SARDH: variants seen among roughly 807,000 people sequenced by gnomAD.
SARDH encodes the protein sarcosine dehydrogenase.
SARDH carries 95 observed loss-of-function variants against 109.1 expected under a neutral mutation model. The ratio of observed to expected loss-of-function variants is 0.87; its 90% CI spans 0.74 to 1.03. The LOEUF is 1.03. Among genes scored for constraint, SARDH ranks in the 50% least tolerant of loss-of-function variants. The probability of loss-of-function intolerance (pLI) is 0.00; values close to 1 mark genes in which losing one functional copy is unlikely to be tolerated. For missense variants in SARDH, 1,267 were observed against 1,287.8 expected (o/e 0.98, Z 0.25); for synonymous variants, 572 against 534.8 (o/e 1.07, Z -0.96).
At chr9:133,664,140 C>T in intron 20 of SARDH, 126 bp from the exon 21 acceptor site, 7 of 1,254,368 alleles carry the variant, frequency 5.6e-6, no homozygotes, top group Middle Eastern at 3.9e-4. Context: ...CATCCCTGTG[C>T]CAGGGACTCC....
intron 17 of SARDH, among the ~76,000 whole-genome samples, chr9:133,683,350 G>A (rs929397493): frequency 7.2e-5 from 11 of 152,340 alleles, no homozygotes; most frequent in Middle Eastern, 3.4e-3. Flanking sequence ...TCGTCTCCCC[G>A]TCCTGTAGCC....
rs529945168 is a variant in SARDH at position 133,671,503 on chromosome 9, C to A, written c.2326+32G>T. On this transcript the variant is annotated intron_variant, in intron 18 of 20. Transcript: ENST00000439388. The stretch of plus-strand genomic sequence containing the variant: ...GTCACTGCCCCCCACTGCGCCCGCC[C>A]CCGCCCCGTGCTGTCCAGACCCTGC... 1.9e-5 allele frequency: 29 copies of A among 1,554,740 alleles called. No individual in the cohort carries two copies. The South Asian group carries it at 3.2e-4, about 17-fold the overall frequency.
At chr9:133,680,408 G>A (rs1450175064) in intron 17 of SARDH, among the ~76,000 whole-genome samples, 1 of 152,210 alleles carries the variant, frequency 6.6e-6, no homozygotes, top group Non-Finnish European at 1.5e-5. Context: ...GCCAGTGGCT[G>A]TATCCCCACC....
Position 133,712,934 on chromosome 9 carries a change from A to C in SARDH, c.1237+104T>G, listed in dbSNP as rs1183566551. ...GGACTCCCCAGCCTCTCCTGTCCCC[A>C]CCACTGTCGGGGGCCACGGTGCTCC... On this transcript the variant is annotated intron_variant, in intron 9 of 20. Transcript: ENST00000439388. This position sits in a 1 kb window ranked among gnomAD's most constrained non-coding sequence, Gnocchi z 4.1. The C allele has an allele frequency of 8.3e-7, 1 of 1,199,908 alleles. No homozygotes were observed. Among genetic ancestry groups the C allele is most frequent in the Non-Finnish European group, 1.2e-6 (1 of 839,130 alleles). The allele number at this position is 1,199,908 out of a possible 1,614,324, so 74.3% of individuals were successfully genotyped here. A position where few individuals can be genotyped will look rare whatever the true frequency, so the allele number is the denominator to read the frequency against.
chr9:133,694,093 C>A (rs900374952), intron 15 of SARDH, among the ~76,000 whole-genome samples, 165 bp downstream of exon 15: 2 of 152,222 alleles, frequency 1.3e-5, no homozygotes, highest in Non-Finnish European at 2.9e-5. Context: ...CCCCATTTAG[C>A]CTGAAACGAG....
At chr9:133,680,369 G>A (rs1030928278) in intron 17 of SARDH, among the ~76,000 whole-genome samples, 1 of 152,176 alleles carries the variant, frequency 6.6e-6, no homozygotes, top group Non-Finnish European at 1.5e-5. Context: ...ACCTGCCTGT[G>A]AGGCCCCCTA....
intron 3 of SARDH, among the ~76,000 whole-genome samples, chr9:133,731,958 T>A (rs925657937): frequency 6.6e-6 from 1 of 152,190 alleles, no homozygotes; most frequent in Non-Finnish European, 1.5e-5. Context: ...CCCCCACATT[T>A]GATTGGCCCA....
rs568013418 is a variant in SARDH at position 133,690,636 on chromosome 9, G to T, written c.1922-109C>A. 1.3e-4 allele frequency: 168 copies of T among 1,293,044 alleles called. 1 individual carries two copies. In the African/African-American group the frequency reaches 2.1e-3, roughly 16 times the overall value. 80.1% of individuals were successfully genotyped at this position (1,293,044 alleles called of 1,614,324 possible). On this transcript the variant is annotated intron_variant, in intron 15 of 20. Transcript: ENST00000439388. ...CTGAGAAAACAAATGCCCTCTCAGGGGCCTGTGCCTTCACAGTGCCCAGGA... is the reference window on the plus strand; with the variant it reads ...CTGAGAAAACAAATGCCCTCTCAGGTGCCTGTGCCTTCACAGTGCCCAGGA...
downstream of SARDH, among the ~76,000 whole-genome samples, chr9:133,660,403 C>CTT (rs555337613): frequency 4.7e-4 from 72 of 152,252 alleles, 1 homozygote; most frequent in South Asian, 0.013. Flanking sequence ...CCTCTGCTTA[C>CTT]TTAGGAAACA....
At position 133,732,619 on chromosome 9, in the gene SARDH, T is replaced by A; in HGVS notation, c.332-18A>T. On this transcript the variant is annotated intron_variant, in intron 2 of 20. Transcript: ENST00000439388. ...CAGCAGGCCTGCCCGGGAGGGTGGG[T>A]GCCATCACTCCCCAGGGAGTGGACT... 1 of 1,587,756 alleles carries A rather than the reference T, an allele frequency of 6.3e-7. No individual in the cohort carries two copies. Among genetic ancestry groups the A allele is most frequent in the Non-Finnish European group, 8.6e-7 (1 of 1,165,852 alleles).
intron 17 of SARDH, among the ~76,000 whole-genome samples, chr9:133,674,976 A>G (rs955510133): frequency 4.6e-5 from 7 of 152,212 alleles, no homozygotes; most frequent in African/African-American, 7.2e-5. Flanking sequence ...CTTACATATG[A>G]TAAGGGCCTT....
rs267602155 is a variant in SARDH, at chr9:133,731,444, G to A, written c.551C>T (p.Pro184Leu). The change falls in exon 4 of 21, where the codon CCG becomes CTG. Residue 184 changes from proline to leucine, a missense_variant. By Grantham distance (98) the Pro-to-Leu change is moderately conservative. Transcript: ENST00000439388. ...CGGGTACAGAGTCTTGGTCTCTGCCGGGCTCAGCACATGGGATTCCACACC... is the reference window on the plus strand; with the variant it reads ...CGGGTACAGAGTCTTGGTCTCTGCCAGGCTCAGCACATGGGATTCCACACC... ...AYGVESHVLS[P>L]AETKTLYPLM... 1.9e-6 allele frequency: 3 copies of A among 1,613,994 alleles called. No individual in the cohort carries two copies. The highest frequency in any genetic ancestry group is 1.3e-5 in the African/African-American group (1 of 74,906).
At position 133,702,987 on chromosome 9, in the gene SARDH, G is replaced by T. The variant is rs753771114; in HGVS notation, c.1597C>A (p.His533Asn). ...AGCCTGCGGTAGGCGTAGTCCTCGT[G>T]CGCGCGGCTCCCGTAAGCCCCGTAG... is the stretch of plus-strand genomic sequence containing the variant. The part of the protein sequence containing the change: ...DYYGAYGSRA[H>N]EDYAYRRLLA... The change falls in exon 13 of 21, where the codon CAC (histidine) becomes AAC (asparagine). Residue 533 changes from histidine (H) to asparagine (N), a missense_variant. By Grantham distance (68) the His-to-Asn change is moderately conservative. Transcript: ENST00000439388. The T allele has an allele frequency of 6.0e-5, 97 of 1,613,414 alleles. No individual in the cohort carries two copies. Among genetic ancestry groups the T allele is most frequent in the Non-Finnish European group, 8.1e-5 (96 of 1,180,004 alleles).
chr9:133,694,501 C>T, intron 14 of SARDH, 130 bp from the exon 15 acceptor site: 1 of 783,562 alleles, frequency 1.3e-6, no homozygotes, highest in Non-Finnish European at 2.1e-6. Context: ...AGACAGGATG[C>T]CCTACTGGGA....
chr9:133,717,434 C>T lies in SARDH; in HGVS notation c.1042G>A (p.Gly348Ser), dbSNP rs747222780. The T allele has an allele frequency of 5.0e-6, 8 of 1,613,926 alleles. No homozygotes were observed. The South Asian group carries it at 7.7e-5, about 16-fold the overall frequency. ...WEEVSDKFAF[G>S]LFDLDWEVFT... Reference sequence around the variant, plus strand: ...ACCTCCCAGTCCAGGTCAAAGAGGCCGAAGGCAAACTTGTCTGACACCTGC... The same window carrying T: ...ACCTCCCAGTCCAGGTCAAAGAGGCTGAAGGCAAACTTGTCTGACACCTGC... Residue 348 changes from glycine to serine, a missense_variant, in exon 8 of 21, where the codon GGC (glycine) becomes AGC (serine). Physicochemically the swap from Gly to Ser is moderately conservative, Grantham distance 56 (BLOSUM62 0). Transcript: ENST00000439388.
intron 16 of SARDH, among the ~76,000 whole-genome samples, chr9:133,687,570 C>T (rs1054425441): frequency 4.6e-5 from 7 of 152,122 alleles, no homozygotes; most frequent in South Asian, 2.1e-4. Flanking sequence ...CATGAGCCAC[C>T]GAGCCCAGCC....
intron 17 of SARDH, among the ~76,000 whole-genome samples, chr9:133,682,165 G>A (rs1830719305): frequency 6.6e-6 from 1 of 152,094 alleles, no homozygotes; most frequent in African/African-American, 2.4e-5. Flanking sequence ...TTCCTCCCGG[G>A]GCCACTTCCA....
At chr9:133,677,798 G>A (rs1161919571) in intron 17 of SARDH, among the ~76,000 whole-genome samples, 3 of 152,224 alleles carry the variant, frequency 2.0e-5, no homozygotes, top group South Asian at 2.1e-4. Flanking sequence ...GACAAGAGGG[G>A]AATGATTCCT....
In SARDH at chr9:133,670,614, C is replaced by G; in HGVS notation, c.2465G>C (p.Arg822Pro). 6.3e-7 allele frequency: 1 copy of G among 1,577,820 alleles called. No individual in the cohort carries two copies. The highest frequency in any genetic ancestry group is 8.6e-7 in the Non-Finnish European group (1 of 1,162,188). The change falls in exon 19 of 21, where the codon CGC becomes CCC. Residue 822 changes from arginine to proline, a missense_variant. Transcript: ENST00000439388. ...CATGGTGAAGCACACCAGGCGCCGG[C>G]GGAGGCCTGCGGCCCGCTGCTGCTC... ...ALEQQRAAGL[R>P]RRLVCFTMED...
Sources: gnomAD v4.1 joint callset for allele counts (sites outside exome capture counted in the v4.1 genomes callset) on GRCh38, gnomAD v4.1.1 for gene constraint, Gnocchi (gnomAD v3.1) non-coding constraint, MANE v1.5 for transcripts, NCBI Gene and HGNC (gene_info 2026-07-23, HGNC 2026-07-21) for gene names.